SRPK2: variants seen among roughly 807,000 people sequenced by gnomAD.
SRPK2 encodes SRSF protein kinase 2, also known as SFRS protein kinase 2.
In SRPK2, 21 loss-of-function variants were observed where a neutral mutation model predicts 90.8. The observed-to-expected ratio is 0.23, with a 90% CI of 0.16 to 0.33. The LOEUF is 0.33. Among genes scored for constraint, SRPK2 ranks in the 10% least tolerant of loss-of-function variants. The pLI, the probability that SRPK2 is intolerant of heterozygous loss-of-function variation, is 1.00. For synonymous variants in SRPK2, 288 were observed against 311.1 expected, an observed-to-expected ratio of 0.93 and a Z score of 0.78; for missense variants, 620 against 869.0, an observed-to-expected ratio of 0.71 and a Z score of 3.60.
intron 2 of SRPK2, among the ~76,000 whole-genome samples, chr7:105,228,750 T>C (rs1799043676): frequency 6.6e-6 from 1 of 152,030 alleles, no homozygotes; most frequent in Non-Finnish European, 1.5e-5. Context: ...ACCGTAACAC[T>C]CACTCTGGGG....
intron 3 of SRPK2, among the ~76,000 whole-genome samples, chr7:105,181,668 G>A (rs750521050): frequency 9.9e-5 from 15 of 152,080 alleles, no homozygotes; most frequent in Non-Finnish European, 1.8e-4. Context: ...AGTAAACAAT[G>A]AGAACACAAA....
At chr7:105,156,490 G>T (rs1723378456) in intron 7 of SRPK2, among the ~76,000 whole-genome samples, 1 of 152,036 alleles carries the variant, frequency 6.6e-6, no homozygotes, top group Non-Finnish European at 1.5e-5. Context: ...AATGAGGAAG[G>T]TATCATTTTT....
At chr7:105,236,308 G>A (rs575557656) in intron 2 of SRPK2, among the ~76,000 whole-genome samples, 2 of 152,144 alleles carry the variant, frequency 1.3e-5, no homozygotes, top group African/African-American at 4.8e-5. Context: ...GGACAGTAGT[G>A]TTTTCACATA....
At chr7:105,287,838 T>C (rs1257598755) in intron 2 of SRPK2, among the ~76,000 whole-genome samples, 1 of 152,232 alleles carries the variant, frequency 6.6e-6, no homozygotes, top group Non-Finnish European at 1.5e-5. Context: ...TTATTTGCAC[T>C]TTAATTTTTT....
At chr7:105,331,341 A>G (rs1021732512) in intron 2 of SRPK2, among the ~76,000 whole-genome samples, 7 of 149,234 alleles carry the variant, frequency 4.7e-5, no homozygotes, top group South Asian at 4.2e-4. Flanking sequence ...AAAAAAACAA[A>G]TAGTTATTAC....
intron 2 of SRPK2, among the ~76,000 whole-genome samples, chr7:105,293,091 A>C (rs1809282518): frequency 6.6e-6 from 1 of 152,138 alleles, no homozygotes; most frequent in Non-Finnish European, 1.5e-5. Context: ...TGAGGTCAGG[A>C]GTTCGAGACC....
Position 105,337,082 on chromosome 7 carries a change from A to AT in SRPK2, c.71+51565dup, listed in dbSNP as rs368862417. On this transcript the variant is annotated intron_variant, in intron 2 of 15. Transcript: ENST00000393651. ...CTCCCAAAGAGCTGGGATTACAGGC[A>AT]TGAGCCACCCATGCCTTGATTTTTA... Among the ~76,000 whole-genome samples, 179 of 152,146 alleles carry AT rather than the reference A, an allele frequency of 1.2e-3. 1 individual carries two copies. Among genetic ancestry groups the AT allele is most frequent in the African/African-American group, 4.1e-3 (172 of 41,522 alleles).
rs566130013 is a variant in SRPK2, at chr7:105,232,890, G to A, written c.72-29105C>T. Among the ~76,000 whole-genome samples the A allele has an allele frequency of 2.0e-4, 30 of 152,116 alleles. No homozygotes were observed. In the East Asian group the frequency reaches 4.3e-3, roughly 22 times the overall value. On this transcript the variant is annotated intron_variant, in intron 2 of 15. Transcript: ENST00000393651. Reference sequence around the variant, plus strand: ...TAGGTGGGTGTGGTGGCGGGTGCCTGTAATCCCAGCTATTCAGGAGCCTGA... The same window carrying A: ...TAGGTGGGTGTGGTGGCGGGTGCCTATAATCCCAGCTATTCAGGAGCCTGA...
chr7:105,369,147 T>G (rs967857725), intron 2 of SRPK2, among the ~76,000 whole-genome samples: 1 of 149,444 alleles, frequency 6.7e-6, no homozygotes, highest in Admixed American at 6.7e-5. Flanking sequence ...ATTATTATTA[T>G]TATTATTATT....
intron 2 of SRPK2, among the ~76,000 whole-genome samples, chr7:105,312,408 C>T (rs961068078): frequency 9.0e-6 from 1 of 111,100 alleles, no homozygotes; most frequent in Non-Finnish European, 1.7e-5. Flanking sequence ...CCACTGCACT[C>T]TAACCTAAGC....
At chr7:105,387,182 T>A (rs1274544518) in intron 2 of SRPK2, among the ~76,000 whole-genome samples, 1 of 152,232 alleles carries the variant, frequency 6.6e-6, no homozygotes, top group Non-Finnish European at 1.5e-5. Context: ...TTTTTCCACT[T>A]GTTTTTATGT....
chr7:105,369,293 C>G (rs555590871), intron 2 of SRPK2, among the ~76,000 whole-genome samples: 1 of 152,014 alleles, frequency 6.6e-6, no homozygotes, highest in Non-Finnish European at 1.5e-5. Context: ...ATTACAGGAG[C>G]ATGCAACCAG....
At chr7:105,255,938 AAAGAGAGAGAGCGAGAACAAG>A (rs1563153689) in intron 2 of SRPK2, among the ~76,000 whole-genome samples, 1 of 129,434 alleles carries the variant, frequency 7.7e-6, no homozygotes, top group Non-Finnish European at 1.8e-5. Context: ...AAAAAAAAAA[AAAGAGAGAGAGCGAGAACAAG>A]AAAAATGCAC....
chr7:105,130,603 C>A (rs1801862026), intron 13 of SRPK2, among the ~76,000 whole-genome samples: 1 of 152,010 alleles, frequency 6.6e-6, no homozygotes, highest in South Asian at 2.1e-4. Context: ...CCACCAAGAA[C>A]CATCTGTGGC....
intron 2 of SRPK2, among the ~76,000 whole-genome samples, chr7:105,256,994 G>A (rs985861597): frequency 3.3e-5 from 5 of 152,204 alleles, no homozygotes; most frequent in African/African-American, 1.2e-4. Context: ...CTGTAGTGTT[G>A]TCCATTAGAG....
chr7:105,218,988 T>C (rs12154942), intron 2 of SRPK2, among the ~76,000 whole-genome samples: 64,220 of 151,690 alleles, frequency 0.42, 15,048 homozygotes, highest in Non-Finnish European at 0.52. Flanking sequence ...AGAAAGAACA[T>C]AAGCAGCTAT....
intron 7 of SRPK2, among the ~76,000 whole-genome samples, chr7:105,158,723 C>A (rs1806941670): frequency 6.6e-6 from 1 of 151,528 alleles, no homozygotes; most frequent in Non-Finnish European, 1.5e-5. Context: ...ATGTGTAATT[C>A]CTTTAATATT....
At chr7:105,247,510 C>A (rs1018036888) in intron 2 of SRPK2, among the ~76,000 whole-genome samples, 4 of 87,078 alleles carry the variant, frequency 4.6e-5, no homozygotes, top group Non-Finnish European at 7.8e-5. Context: ...CCATACATAC[C>A]AAAAAACACA....
chr7:105,397,331 C>CTT (rs1301286455), intron 1 of SRPK2, among the ~76,000 whole-genome samples: 13 of 135,034 alleles, frequency 9.6e-5, no homozygotes, highest in East Asian at 6.4e-4. Context: ...GAGTGACTTT[C>CTT]TTTTTTTTTT....
Sources: gnomAD v4.1 joint callset for allele counts (sites outside exome capture counted in the v4.1 genomes callset) on GRCh38, gnomAD v4.1.1 for gene constraint, MANE v1.5 for transcripts, NCBI Gene and HGNC (gene_info 2026-07-23, HGNC 2026-07-21) for gene names.